The following AUH variants were observed in gnomAD, a reference collection of about 807,000 sequenced individuals.
AUH encodes the protein methylglutaconyl-CoA hydratase, mitochondrial.
Under a neutral mutation model 42.3 loss-of-function variants are expected in AUH, and 29 were observed. That is an observed-to-expected ratio of 0.69 (90% confidence interval 0.51 to 0.93). The LOEUF is 0.93. Among genes scored for constraint, AUH ranks in the 40% least tolerant of loss-of-function variants. The pLI is 0.00. For missense variants in AUH, 452 were observed against 438.1 expected, an observed-to-expected ratio of 1.03 and a Z score of -0.28; for synonymous variants, 174 against 166.4, an observed-to-expected ratio of 1.05 and a Z score of -0.35.
chr9:91,217,512 A>G (rs1489331111), intron 7 of AUH, among the ~76,000 whole-genome samples, 185 bp from the exon 8 acceptor site: 1 of 152,086 alleles, frequency 6.6e-6, no homozygotes, highest in African/African-American at 2.4e-5. Context: ...CAACAACCAC[A>G]TCAGCACATT....
intron 6 of AUH, among the ~76,000 whole-genome samples, chr9:91,241,782 T>C (rs1286329201): frequency 6.6e-6 from 1 of 152,146 alleles, no homozygotes; most frequent in Non-Finnish European, 1.5e-5. Flanking sequence ...ATTTTATACT[T>C]TAAAAAAAAA....
At chr9:91,318,207 C>A (rs1347448785) in intron 4 of AUH, among the ~76,000 whole-genome samples, 8 of 151,912 alleles carry the variant, frequency 5.3e-5, no homozygotes, top group African/African-American at 9.7e-5. Flanking sequence ...TCTCTATCAT[C>A]AAAAAACTGG....
chr9:91,263,571 T>C (rs1296978062), intron 6 of AUH, among the ~76,000 whole-genome samples: 2 of 152,184 alleles, frequency 1.3e-5, no homozygotes, highest in African/African-American at 2.4e-5. Context: ...AACGCCAAAT[T>C]AGGAAATATT....
intron 4 of AUH, among the ~76,000 whole-genome samples, chr9:91,307,416 G>C (rs905002635): frequency 3.3e-5 from 5 of 152,176 alleles, no homozygotes; most frequent in South Asian, 2.1e-4. Flanking sequence ...AATTATAGTA[G>C]TCTCCCCTTA....
intron 6 of AUH, among the ~76,000 whole-genome samples, chr9:91,280,791 T>G (rs1825898625): frequency 1.3e-5 from 2 of 152,188 alleles, no homozygotes; most frequent in East Asian, 3.8e-4. Context: ...CTTCAAAAAC[T>G]TAGTTTTACA....
intron 6 of AUH, among the ~76,000 whole-genome samples, chr9:91,267,729 T>C (rs1383341136): frequency 6.6e-6 from 1 of 152,106 alleles, no homozygotes; most frequent in East Asian, 1.9e-4. Context: ...AACATTTGGT[T>C]GCTTCTTCTC....
At chr9:91,225,672 G>C (rs1827410016) in intron 6 of AUH, among the ~76,000 whole-genome samples, 1 of 150,536 alleles carries the variant, frequency 6.6e-6, no homozygotes, top group Non-Finnish European at 1.5e-5. Flanking sequence ...TCTAGCATTA[G>C]GTATATCTCC....
chr9:91,229,194 T>G (rs1827714249), intron 6 of AUH, among the ~76,000 whole-genome samples: 2 of 144,634 alleles, frequency 1.4e-5, no homozygotes, highest in African/African-American at 5.2e-5. Flanking sequence ...AGTCTAAGTC[T>G]CTTTGTAGGT....
At chr9:91,336,518 T>A (rs1263019010) in intron 3 of AUH, among the ~76,000 whole-genome samples, 2 of 151,808 alleles carry the variant, frequency 1.3e-5, no homozygotes, top group Non-Finnish European at 2.9e-5. Flanking sequence ...TAAACCTAGC[T>A]ACTCAGGAGG....
intron 3 of AUH, among the ~76,000 whole-genome samples, chr9:91,330,371 T>C (rs140867667): frequency 1.3e-5 from 2 of 152,306 alleles, no homozygotes; most frequent in East Asian, 3.9e-4. Flanking sequence ...TACTAAAAGA[T>C]GTAAATTCTC....
At chr9:91,294,538 C>A (rs187630652) in intron 6 of AUH, 4 of 365,384 alleles carry the variant, frequency 1.1e-5, no homozygotes, top group South Asian at 4.2e-5. Context: ...CAGAGCGAGA[C>A]TCCGTCTCAA....
intron 4 of AUH, among the ~76,000 whole-genome samples, chr9:91,323,866 A>C (rs1190657362): frequency 1.3e-5 from 2 of 152,196 alleles, no homozygotes; most frequent in Non-Finnish European, 2.9e-5. Flanking sequence ...TATCATAAAA[A>C]TGTCAAAATT....
chr9:91,360,896 CCTTTTAG>C (rs1267842121), intron 1 of AUH, among the ~76,000 whole-genome samples: 1 of 152,154 alleles, frequency 6.6e-6, no homozygotes, highest in Non-Finnish European at 1.5e-5. Context: ...CCTTCACGAC[CCTTTTAG>C]CTTTTCCCTG....
chr9:91,248,045 T>A (rs1024445554), intron 6 of AUH, among the ~76,000 whole-genome samples: 4 of 152,246 alleles, frequency 2.6e-5, no homozygotes, highest in Non-Finnish European at 5.9e-5. Context: ...TTTTTTCTCA[T>A]GTGGATCATG....
chr9:91,278,334 A>G (rs1308263530), intron 6 of AUH, among the ~76,000 whole-genome samples: 1 of 152,252 alleles, frequency 6.6e-6, no homozygotes, highest in Non-Finnish European at 1.5e-5. Context: ...TATAAAAGTC[A>G]ATTTTACATA....
intron 4 of AUH, among the ~76,000 whole-genome samples, chr9:91,314,976 T>G (rs1273062245): frequency 6.6e-6 from 1 of 152,202 alleles, no homozygotes; most frequent in Non-Finnish European, 1.5e-5. Context: ...CAGACTGGAG[T>G]GCAGTGGCAT....
At chr9:91,361,029 G>A (rs1832809188) in intron 1 of AUH, among the ~76,000 whole-genome samples, 1 of 152,190 alleles carries the variant, frequency 6.6e-6, no homozygotes, top group Non-Finnish European at 1.5e-5. Flanking sequence ...GTAGAAGGTA[G>A]CTCAAGGGCA....
chr9:91,298,794 A>G (rs1176499885), intron 4 of AUH, among the ~76,000 whole-genome samples: 1 of 152,260 alleles, frequency 6.6e-6, no homozygotes, highest in Non-Finnish European at 1.5e-5. Context: ...TTTCATTTTC[A>G]TAACCAGTTC....
intron 4 of AUH, among the ~76,000 whole-genome samples, chr9:91,315,186 G>T (rs868564190): frequency 1.3e-5 from 2 of 152,110 alleles, no homozygotes; most frequent in Admixed American, 6.5e-5. Flanking sequence ...TGATCTGCCC[G>T]CCTTGGCCTC....
Sources: allele counts gnomAD v4.1 joint callset (sites outside exome capture counted in the v4.1 genomes callset), GRCh38; gene constraint gnomAD v4.1.1; transcripts MANE v1.5; gene names NCBI Gene and HGNC (gene_info 2026-07-23, HGNC 2026-07-21).